Variants in HNRNPDL observed in about 807,000 individuals in gnomAD.
HNRNPDL encodes heterogeneous nuclear ribonucleoprotein D like.
A neutral mutation model predicts 48.0 loss-of-function variants in HNRNPDL; 18 were observed. That is an observed-to-expected ratio of 0.38 (90% confidence interval 0.26 to 0.56). HNRNPDL has a LOEUF of 0.56. Ranked by LOEUF, HNRNPDL falls within the 20% of genes least tolerant of loss-of-function variation. The pLI is 0.77. For synonymous variants in HNRNPDL, 306 were observed against 207.3 expected (o/e 1.48, Z -4.09); for missense variants, 553 against 540.7 (o/e 1.02, Z -0.23).
At position 82,423,644 on chromosome 4, in the gene HNRNPDL, ACT is replaced by A. The variant is rs1464558685; in HGVS notation, c.*1260_*1261del. 6.6e-6 allele frequency: 1 copy of A among 152,194 alleles called. No homozygotes were observed. Among genetic ancestry groups the A allele is most frequent in the East Asian group, 1.9e-4 (1 of 5,204 alleles). The allele number at this position is 152,194 out of a possible 1,614,324, so 9.4% of individuals were successfully genotyped here. ...ACGTATGCCAATCCCAGTAAATAAC[ACT>A]GAGGCCAAGGTCCCAAAATCCAACT... On this transcript the variant is annotated 3_prime_UTR_variant, in exon 8 of 8. Transcript: ENST00000295470.
rs1196892880 is a variant in HNRNPDL, at chr4:82,424,058, A to C, written c.*848T>G. ...TTGCCACTATTTTAATTTTTCGACC[A>C]AACTCATACCTTTCTACCAAAATCC... On this transcript the variant is annotated 3_prime_UTR_variant, in exon 8 of 8. Coordinates refer to ENST00000295470, the MANE Select transcript of HNRNPDL (RefSeq NM_031372.4). The C allele has an allele frequency of 6.6e-6, 1 of 152,178 alleles. No individual in the cohort carries two copies. Among genetic ancestry groups the C allele is most frequent in the Non-Finnish European group, 1.5e-5 (1 of 68,032 alleles). The allele number at this position is 152,178 out of a possible 1,614,324, so 9.4% of individuals were successfully genotyped here.
rs202086820 is a variant in HNRNPDL at position 82,427,388 on chromosome 4, T to C, written c.906+45A>G. The stretch of plus-strand genomic sequence containing the variant: ...TATTTTTCTCCACATCAAGAAATTA[T>C]TTCAATTATTTAAATTTTCATTTAA... On this transcript the variant is annotated intron_variant, in intron 4 of 7. Transcript: ENST00000295470. 105 of 1,538,290 alleles carry C rather than the reference T, an allele frequency of 6.8e-5. No homozygotes were observed. The Admixed American group carries it at 1.6e-3, about 23-fold the overall frequency.
rs2110031580 is a variant in HNRNPDL at position 82,429,510 on chromosome 4, C to A, written c.181G>T (p.Val61Phe). 1 of 1,526,932 alleles carries A rather than the reference C, an allele frequency of 6.5e-7. No individual in the cohort carries two copies. Among genetic ancestry groups the A allele is most frequent in the Non-Finnish European group, 8.8e-7 (1 of 1,137,390 alleles). 94.6% of individuals were successfully genotyped at this position (1,526,932 alleles called of 1,614,324 possible). The change falls in exon 1 of 8, where the codon GTC becomes TTC. Residue 61 changes from valine to phenylalanine, a missense_variant. Physicochemically the swap from Val to Phe is conservative, Grantham distance 50. Transcript: ENST00000295470. ...RQGARRAQRH[V>F]TAQQPSRLAG... ...AATCGGGAGGGCTGCTGGGCGGTGA[C>A]GTGGCGCTGGGCCCGGCGCGCCCCC...
At chr4:82,428,745 C>T (rs1156557303) in intron 1 of HNRNPDL, among the ~76,000 whole-genome samples, 1 of 152,222 alleles carries the variant, frequency 6.6e-6, no homozygotes, top group Non-Finnish European at 1.5e-5. Flanking sequence ...AGATGAATCC[C>T]TCACATCTTA....
At chr4:82,426,953 C>G (rs958679737) in intron 5 of HNRNPDL, among the ~76,000 whole-genome samples, 3 of 152,140 alleles carry the variant, frequency 2.0e-5, no homozygotes, top group African/African-American at 7.2e-5. Flanking sequence ...TGTAATGGTA[C>G]ACTTTTCCTA....
rs1244998178 is a variant in HNRNPDL, at chr4:82,424,671, CAAATA to C, written c.*230_*234del. The C allele has an allele frequency of 6.6e-6, 1 of 152,566 alleles. No individual in the cohort carries two copies. The highest frequency in any genetic ancestry group is 1.5e-5 in the Non-Finnish European group (1 of 68,020). 9.5% of individuals were successfully genotyped at this position (152,566 alleles called of 1,614,324 possible). ...ATTTGAGGTTTAACATGAAATGATA[CAAATA>C]AAATGTGTATAAACAAATCCACATT... On this transcript the variant is annotated 3_prime_UTR_variant, in exon 8 of 8. Transcript: ENST00000295470.
chr4:82,429,018 A>ACGC (rs780122537), intron 1 of HNRNPDL, among the ~76,000 whole-genome samples: 2 of 151,124 alleles, frequency 1.3e-5, no homozygotes, highest in African/African-American at 4.9e-5. Flanking sequence ...CGGGACACAG[A>ACGC]CGCCGCCGCC....
intron 1 of HNRNPDL, 33 bp downstream of exon 1, chr4:82,429,215 G>C: frequency 6.2e-7 from 1 of 1,600,558 alleles, no homozygotes; most frequent in Non-Finnish European, 8.6e-7. Context: ...GGCGCGCTGG[G>C]GGAGGGGGAG....
At position 82,429,807 on chromosome 4, in the gene HNRNPDL, C is replaced by T. The variant is rs1721640459; in HGVS notation, c.-117G>A. The T allele has an allele frequency of 2.8e-6, 2 of 705,180 alleles. No individual in the cohort carries two copies. The highest frequency in any genetic ancestry group is 4.1e-6 in the Non-Finnish European group (2 of 492,392). 43.7% of individuals were successfully genotyped at this position (705,180 alleles called of 1,614,324 possible). On this transcript the variant is annotated 5_prime_UTR_variant, in exon 1 of 8. Transcript: ENST00000295470. ...AATTCCTGGGGTCAGCAGTCCCGAG[C>T]AGAGCCGACGCAGGGCCACAGTCCC...
At chr4:82,425,954 ATT>A in intron 7 of HNRNPDL, 81 bp downstream of exon 7, 3 of 918,678 alleles carry the variant, frequency 3.3e-6, no homozygotes, top group Non-Finnish European at 5.3e-6. Context: ...GCTACATAGT[ATT>A]TTGTTTTTAC....
chr4:82,428,480 A>G (rs1721511843), intron 1 of HNRNPDL, 34 bp from the exon 2 acceptor site: 1 of 1,492,762 alleles, frequency 6.7e-7, no homozygotes, highest in Non-Finnish European at 9.2e-7. Context: ...AAAAATTAAC[A>G]ATAACTCAAA....
chr4:82,429,527 C>A lies in HNRNPDL; in HGVS notation c.164G>T (p.Arg55Leu), dbSNP rs1399602668. The change falls in exon 1 of 8, where the codon CGC becomes CTC. Residue 55 changes from arginine to leucine, a missense_variant. Physicochemically the swap from Arg to Leu is moderately radical, Grantham distance 102. This residue lies in a region of HNRNPDL where 327 missense variants were observed against 203.2 expected (regional missense o/e 1.61). Coordinates refer to ENST00000295470, the MANE Select transcript of HNRNPDL (RefSeq NM_031372.4). Reference sequence around the variant, plus strand: ...GGCGGTGACGTGGCGCTGGGCCCGGCGCGCCCCCTGCCGGGCGGAGCTGGG... The same window carrying A: ...GGCGGTGACGTGGCGCTGGGCCCGGAGCGCCCCCTGCCGGGCGGAGCTGGG... ...LAPSSARQGA[R>L]RAQRHVTAQQ... 1.3e-6 allele frequency: 2 copies of A among 1,488,326 alleles called. No individual in the cohort carries two copies. Among genetic ancestry groups the A allele is most frequent in the South Asian group, 1.3e-5 (1 of 76,882 alleles). 92.2% of individuals were successfully genotyped at this position (1,488,326 alleles called of 1,614,324 possible). A position where few individuals can be genotyped will look rare whatever the true frequency, so the allele number is the denominator to read the frequency against.
Position 82,426,585 on chromosome 4 carries a change from C to T in HNRNPDL, c.1070G>A (p.Gly357Glu). Residue 357 changes from glycine (G) to glutamate (E), a missense_variant, in exon 6 of 8, where the codon GGA becomes GAA. Physicochemically the swap from Gly to Glu is moderately conservative, Grantham distance 98. Transcript: ENST00000295470. ...NQGFNNYYDQ[G>E]YGNYNSAYGG... is the part of the protein sequence containing the mutation. Reference sequence around the variant, plus strand: ...ATAGGCACTATTGTAATTTCCATATCCTTGATCATAATAGTTATTAAATCC... The same window carrying T: ...ATAGGCACTATTGTAATTTCCATATTCTTGATCATAATAGTTATTAAATCC... 6.2e-7 allele frequency: 1 copy of T among 1,613,696 alleles called. No homozygotes were observed. Among genetic ancestry groups the T allele is most frequent in the Non-Finnish European group, 8.5e-7 (1 of 1,179,800 alleles).
At chr4:82,425,206 T>TA in intron 7 of HNRNPDL, 1 of 152,230 alleles carries the variant, frequency 6.6e-6, no homozygotes, top group East Asian at 1.9e-4. Context: ...CAATTTCTAA[T>TA]AAGTTTATTA....
rs1197059089 is a variant in HNRNPDL, at chr4:82,430,058, T to C, written c.-368A>G. The stretch of plus-strand genomic sequence containing the variant: ...TCGCCCGCCGCGCGCACGCGTGTTT[T>C]GTCCTCGAGCTGGCAGGAACCAGCC... On this transcript the variant is annotated 5_prime_UTR_variant, in exon 1 of 8. Transcript: ENST00000295470. 2 of 158,366 alleles carry C rather than the reference T, an allele frequency of 1.3e-5. No homozygotes were observed. The highest frequency in any genetic ancestry group is 2.4e-5 in the African/African-American group (1 of 41,704). 9.8% of individuals were successfully genotyped at this position (158,366 alleles called of 1,614,324 possible).
rs753086595 is a variant in HNRNPDL, at chr4:82,428,292, C to T, written c.598G>A (p.Ala200Thr). The change falls in exon 2 of 8, where the codon GCT becomes ACT. Residue 200 changes from alanine to threonine, a missense_variant. By Grantham distance (58) the Ala-to-Thr change is moderately conservative. Coordinates refer to ENST00000295470, the MANE Select transcript of HNRNPDL (RefSeq NM_031372.4). The stretch of plus-strand genomic sequence containing the variant: ...ATAGTTCCTACCTTATCAACACTAG[C>T]AGCATCTTTGAAAAGCACAAATCCA... ...GFGFVLFKDA[A>T]SVDKVLELKE... 1 of 1,612,816 alleles carries T rather than the reference C, an allele frequency of 6.2e-7. No homozygotes were observed. Among genetic ancestry groups the T allele is most frequent in the African/African-American group, 1.3e-5 (1 of 75,028 alleles).
At chr4:82,426,727 A>G (rs1721427114) in intron 5 of HNRNPDL, 94 bp from the exon 6 acceptor site, 2 of 1,030,986 alleles carry the variant, frequency 1.9e-6, no homozygotes, top group Admixed American at 3.6e-5. Flanking sequence ...TGCAAATCTT[A>G]AAGGGCAGAA....
At chr4:82,425,430 C>A (rs1321560905) in intron 7 of HNRNPDL, 1 of 152,560 alleles carries the variant, frequency 6.6e-6, no homozygotes, top group East Asian at 1.9e-4. Flanking sequence ...CATTTATGTA[C>A]TTTAACTCCT....
At chr4:82,425,092 G>C (rs1009349827) in intron 7 of HNRNPDL, 4 of 152,160 alleles carry the variant, frequency 2.6e-5, no homozygotes, top group African/African-American at 9.7e-5. Flanking sequence ...ATTCAGGAAA[G>C]AATCTGGGAA....
Sources: allele counts gnomAD v4.1 joint callset (sites outside exome capture counted in the v4.1 genomes callset), GRCh38; gene constraint gnomAD v4.1.1; regional missense constraint gnomAD v4.1.1; transcripts MANE v1.5; gene names NCBI Gene and HGNC (gene_info 2026-07-23, HGNC 2026-07-21).